The following APLF variants were observed in gnomAD, a reference collection of about 807,000 sequenced individuals.
APLF encodes aprataxin and PNKP like factor.
In APLF, 61 loss-of-function variants were observed where a neutral mutation model predicts 55.6. The observed-to-expected ratio is 1.10, with a 90% CI of 0.89 to 1.36. The LOEUF is 1.36. Ranked by LOEUF, APLF falls within the 40% of genes most tolerant of loss-of-function variation. The pLI is 0.00. For synonymous variants in APLF, 207 were observed against 214.8 expected (o/e 0.96, Z 0.32); for missense variants, 611 against 602.5 (o/e 1.01, Z -0.15).
At chr2:68,487,820 G>A (rs371463698) in intron 1 of APLF, among the ~76,000 whole-genome samples, 35 of 152,084 alleles carry the variant, frequency 2.3e-4, no homozygotes, top group African/African-American at 8.2e-4. Flanking sequence ...TCACTATTTA[G>A]GGTTTTACTT....
chr2:68,573,597 C>T (rs967498861), intron 9 of APLF, among the ~76,000 whole-genome samples: 4 of 148,906 alleles, frequency 2.7e-5, no homozygotes, highest in East Asian at 2.0e-4. Flanking sequence ...CGTTTGAACC[C>T]GGGAGACAGA....
Position 68,469,012 on chromosome 2 carries a change from GTGTGTGTGT to G in APLF, c.96+1193_96+1201del, listed in dbSNP as rs1395314133. 1.0e-2 allele frequency among the ~76,000 whole-genome samples: 1,482 copies of G among 148,488 alleles called. 25 individuals are homozygous for G. The highest frequency in any genetic ancestry group is 0.037 in the African/African-American group (1,404 of 38,144). On this transcript the variant is annotated intron_variant, in intron 1 of 9. Transcript: ENST00000303795. ...GGGGTGTGTGTGTGTGTGTGTGTGT[GTGTGTGTGT>G]TGTGTGTTGTGTGTTGTGTACATGC... is the stretch of plus-strand genomic sequence containing the variant.
At chr2:68,535,859 GT>G (rs1192941604) in intron 6 of APLF, among the ~76,000 whole-genome samples, 9 of 152,110 alleles carry the variant, frequency 5.9e-5, no homozygotes, top group African/African-American at 2.2e-4. Flanking sequence ...GAAGTGCAGT[GT>G]TTATGGGGGA....
chr2:68,524,107 T>C (rs1384858345), intron 5 of APLF, among the ~76,000 whole-genome samples: 2 of 152,172 alleles, frequency 1.3e-5, no homozygotes, highest in Admixed American at 6.5e-5. Context: ...TAATCAGCAA[T>C]ACCACTAGTT....
At chr2:68,557,768 T>A (rs979761892) in intron 8 of APLF, among the ~76,000 whole-genome samples, 11 of 152,028 alleles carry the variant, frequency 7.2e-5, no homozygotes, top group African/African-American at 2.7e-4. Context: ...AAAAATTAGT[T>A]GGTGTGGTGA....
intron 5 of APLF, among the ~76,000 whole-genome samples, chr2:68,523,297 T>C (rs565723591): frequency 5.9e-5 from 9 of 152,130 alleles, no homozygotes; most frequent in Non-Finnish European, 1.2e-4. Flanking sequence ...AAGCAATTGA[T>C]AATATCCACT....
At chr2:68,490,984 C>T (rs1676341138) in intron 2 of APLF, among the ~76,000 whole-genome samples, 1 of 151,928 alleles carries the variant, frequency 6.6e-6, no homozygotes, top group African/African-American at 2.4e-5. Flanking sequence ...TTTTATATAC[C>T]ACTGCCTGTT....
At chr2:68,471,291 TAATG>T (rs1304770600) in intron 1 of APLF, among the ~76,000 whole-genome samples, 2 of 152,238 alleles carry the variant, frequency 1.3e-5, no homozygotes, top group African/African-American at 4.8e-5. Context: ...GTAGCATTCA[TAATG>T]AATTAAGTTT....
At chr2:68,568,481 G>T (rs2104070849) in intron 9 of APLF, 1 of 201,866 alleles carries the variant, frequency 5.0e-6, no homozygotes, top group East Asian at 1.9e-4. Context: ...TAGTATGGAG[G>T]TTACATGTTA....
intron 8 of APLF, among the ~76,000 whole-genome samples, chr2:68,556,367 TA>T (rs555061617): frequency 6.6e-5 from 10 of 152,218 alleles, no homozygotes; most frequent in Non-Finnish European, 1.3e-4. Context: ...AAAAATTTAA[TA>T]AAAAAAGGTA....
At chr2:68,470,596 A>G (rs918138567) in intron 1 of APLF, among the ~76,000 whole-genome samples, 5 of 152,214 alleles carry the variant, frequency 3.3e-5, no homozygotes, top group African/African-American at 1.2e-4. Flanking sequence ...TGTTAGGCCA[A>G]AGTATTTGCT....
chr2:68,504,565 A>T (rs952060377), intron 3 of APLF, among the ~76,000 whole-genome samples: 1 of 151,976 alleles, frequency 6.6e-6, no homozygotes, highest in African/African-American at 2.4e-5. Flanking sequence ...ACAAAATTCA[A>T]CACCTCTTCA....
chr2:68,572,516 ATG>A (rs1030551893), intron 9 of APLF, among the ~76,000 whole-genome samples: 16 of 152,318 alleles, frequency 1.1e-4, no homozygotes, highest in African/African-American at 3.8e-4. Flanking sequence ...GTCATCTTAG[ATG>A]TAACACCAAA....
rs1266937942 is a variant in APLF at position 68,526,062 on chromosome 2, T to C, written c.624T>C (p.Gly208=). ...CTTCTTTTTCTTTATGTGTTTAAGG[T>C]AATGTAATCCAGGGAAGTGGAAAAG... ...QNLSVPAISG[G]NVIQGSGKEE... The change falls in exon 6 of 10, where the codon GGT becomes GGC. Residue 208 remains glycine, a splice_region_variant and synonymous_variant. Transcript: ENST00000303795. The C allele has an allele frequency of 6.2e-7, 1 of 1,611,018 alleles. No homozygotes were observed. The highest frequency in any genetic ancestry group is 2.2e-5 in the East Asian group (1 of 44,850).
At chr2:68,502,980 A>T in intron 3 of APLF, 77 bp downstream of exon 3, 1 of 1,424,826 alleles carries the variant, frequency 7.0e-7, no homozygotes, top group South Asian at 1.3e-5. Context: ...CTTCGGTAGG[A>T]ACCAGTAGAA....
intron 6 of APLF, among the ~76,000 whole-genome samples, chr2:68,530,251 G>T (rs1039504296): frequency 2.0e-5 from 3 of 152,148 alleles, no homozygotes; most frequent in Admixed American, 6.5e-5. Context: ...ATTTTTTCCT[G>T]TAGTCCTGGG....
At chr2:68,556,430 A>G (rs1158500338) in intron 8 of APLF, among the ~76,000 whole-genome samples, 1 of 152,226 alleles carries the variant, frequency 6.6e-6, no homozygotes, top group Admixed American at 6.5e-5. Flanking sequence ...GCTGTTTATC[A>G]GAAGACTCAC....
intron 9 of APLF, among the ~76,000 whole-genome samples, chr2:68,576,272 TC>T (rs1384119010): frequency 6.6e-6 from 1 of 152,182 alleles, no homozygotes; most frequent in Non-Finnish European, 1.5e-5. Context: ...TCATTCCCTT[TC>T]CCGACTGCAA....
At chr2:68,509,989 G>A (rs1410625681) in intron 3 of APLF, among the ~76,000 whole-genome samples, 2 of 147,464 alleles carry the variant, frequency 1.4e-5, no homozygotes, top group African/African-American at 2.5e-5. Flanking sequence ...AACACTGCAT[G>A]TTCTCACTCA....
Sources: allele counts gnomAD v4.1 joint callset (sites outside exome capture counted in the v4.1 genomes callset), GRCh38; gene constraint gnomAD v4.1.1; transcripts MANE v1.5; gene names NCBI Gene and HGNC (gene_info 2026-07-23, HGNC 2026-07-21).